COBL: variants seen among roughly 807,000 people sequenced by gnomAD.
COBL encodes the protein cordon-bleu WH2 repeat protein, also known as protein cordon-bleu.
COBL carries 51 observed loss-of-function variants against 98.8 expected under a neutral mutation model. That is an observed-to-expected ratio of 0.52 (90% CI 0.41 to 0.65). The LOEUF is 0.65. Among genes scored for constraint, COBL ranks in the 30% least tolerant of loss-of-function variants. The pLI, the probability that COBL is intolerant of heterozygous loss-of-function variation, is 0.00. For missense variants in COBL, 1,617 were observed against 1,617.5 expected (o/e 1.00, Z 0.01); for synonymous variants, 634 against 651.7 (o/e 0.97, Z 0.41).
intron 1 of COBL, among the ~76,000 whole-genome samples, chr7:51,232,228 G>A (rs779083823): frequency 2.0e-5 from 3 of 152,036 alleles, no homozygotes; most frequent in Non-Finnish European, 4.4e-5. Context: ...CACTTTCTTA[G>A]TCAAAAATGG....
chr7:51,285,824 A>G (rs1466029891), intron 1 of COBL, among the ~76,000 whole-genome samples: 1 of 152,260 alleles, frequency 6.6e-6, no homozygotes, highest in Non-Finnish European at 1.5e-5. Context: ...GAATCACATT[A>G]CATAGCCTTA....
chr7:51,083,068 C>T (rs560738741), intron 7 of COBL: 35 of 1,413,422 alleles, frequency 2.5e-5, no homozygotes, highest in South Asian at 1.5e-4. Flanking sequence ...GTTTGGGTAT[C>T]GGGTCTGAGG....
In COBL at chr7:51,233,655, G is replaced by A. The variant is rs761904376; in HGVS notation, c.42-13711C>T. ...CTGACTAGCCCGCTCTCCACACAGC[G>A]CATAACTGATTGGAACTCAACGGAC... On this transcript the variant is annotated intron_variant, in intron 1 of 12. Transcript: ENST00000265136. 5.9e-5 allele frequency among the ~76,000 whole-genome samples: 9 copies of A among 152,258 alleles called. No homozygotes were observed. The South Asian group carries it at 8.3e-4, about 14-fold the overall frequency.
chr7:51,310,842 G>C (rs1415666406), intron 1 of COBL, among the ~76,000 whole-genome samples: 1 of 152,120 alleles, frequency 6.6e-6, no homozygotes, highest in Non-Finnish European at 1.5e-5. Flanking sequence ...ATTTTTAGTA[G>C]AGATGGGGTT....
At chr7:51,033,586 T>C (rs1788356405) in intron 8 of COBL, 1 of 152,242 alleles carries the variant, frequency 6.6e-6, no homozygotes, top group Non-Finnish European at 1.5e-5. Flanking sequence ...GACAGAAATC[T>C]AACAAGAAAC....
intron 1 of COBL, among the ~76,000 whole-genome samples, chr7:51,298,063 G>A (rs1260811175): frequency 6.6e-6 from 1 of 152,164 alleles, no homozygotes; most frequent in African/African-American, 2.4e-5. Flanking sequence ...TCTAAGGCTA[G>A]GTCATAAAAG....
At chr7:51,177,390 AAATT>A (rs1474896355) in intron 5 of COBL, among the ~76,000 whole-genome samples, 1 of 152,228 alleles carries the variant, frequency 6.6e-6, no homozygotes, top group Non-Finnish European at 1.5e-5. Flanking sequence ...GTTAACATTG[AAATT>A]AATATATGTA....
chr7:51,144,275 G>A (rs1784822679), intron 5 of COBL, among the ~76,000 whole-genome samples: 1 of 152,168 alleles, frequency 6.6e-6, no homozygotes, highest in Non-Finnish European at 1.5e-5. Flanking sequence ...CAGCTCTATA[G>A]GAAGGTAATT....
At chr7:51,140,562 T>C (rs1470030247) in intron 5 of COBL, among the ~76,000 whole-genome samples, 1 of 152,214 alleles carries the variant, frequency 6.6e-6, no homozygotes, top group Non-Finnish European at 1.5e-5. Context: ...CGTATATATA[T>C]ATGTACATAT....
intron 7 of COBL, among the ~76,000 whole-genome samples, chr7:51,061,595 C>T (rs1791365702): frequency 6.6e-6 from 1 of 151,940 alleles, no homozygotes; most frequent in Non-Finnish European, 1.5e-5. Flanking sequence ...CGTGGTGAAA[C>T]GTTATTTCTG....
At chr7:51,085,405 C>T (rs1322856183) in intron 6 of COBL, 101 bp from the exon 7 acceptor site, 2 of 1,311,084 alleles carry the variant, frequency 1.5e-6, no homozygotes, top group African/African-American at 1.5e-5. Context: ...GGGACCTGCA[C>T]CGGAAGGTGG....
At chr7:51,059,609 G>A (rs1372415500) in intron 7 of COBL, among the ~76,000 whole-genome samples, 1 of 139,960 alleles carries the variant, frequency 7.1e-6, no homozygotes, top group African/African-American at 2.6e-5. Flanking sequence ...AGGAAGCCTT[G>A]GGATTGTTTG....
intron 1 of COBL, among the ~76,000 whole-genome samples, chr7:51,265,954 C>T (rs777710472): frequency 4.6e-5 from 7 of 152,042 alleles, no homozygotes; most frequent in Non-Finnish European, 8.8e-5. Context: ...AGTGAATTGG[C>T]GTTTCCCTAC....
At chr7:51,155,769 A>G (rs989064901) in intron 5 of COBL, among the ~76,000 whole-genome samples, 3 of 152,038 alleles carry the variant, frequency 2.0e-5, no homozygotes, top group Non-Finnish European at 1.5e-5. Flanking sequence ...CTAAACAGAA[A>G]AACGTTATCT....
intron 4 of COBL, among the ~76,000 whole-genome samples, chr7:51,188,597 G>A (rs1334308220): frequency 6.6e-6 from 1 of 152,172 alleles, no homozygotes; most frequent in Non-Finnish European, 1.5e-5. Flanking sequence ...TTGGGGGTGG[G>A]GTGGAAAGGG....
At chr7:51,198,955 T>A (rs1025308762) in intron 2 of COBL, among the ~76,000 whole-genome samples, 1 of 152,210 alleles carries the variant, frequency 6.6e-6, no homozygotes, top group Non-Finnish European at 1.5e-5. Flanking sequence ...GGCAGGCTCA[T>A]AGGCTTTGGT....
At chr7:51,233,476 A>T (rs1794953831) in intron 1 of COBL, among the ~76,000 whole-genome samples, 1 of 152,228 alleles carries the variant, frequency 6.6e-6, no homozygotes, top group African/African-American at 2.4e-5. Context: ...AAAGTGTGGA[A>T]AAGAGAACCA....
chr7:51,164,527 T>C (rs1429647430), intron 5 of COBL, among the ~76,000 whole-genome samples: 2 of 152,088 alleles, frequency 1.3e-5, no homozygotes, highest in Admixed American at 6.6e-5. Flanking sequence ...GGCGAAAATA[T>C]CCTTCGGACA....
chr7:51,290,370 G>A (rs755780797), intron 1 of COBL, among the ~76,000 whole-genome samples: 42 of 152,288 alleles, frequency 2.8e-4, no homozygotes, highest in Non-Finnish European at 4.9e-4. Context: ...ATGCCTGGCC[G>A]GGTGATCACC....
Sources: allele counts gnomAD v4.1 joint callset (sites outside exome capture counted in the v4.1 genomes callset), GRCh38; gene constraint gnomAD v4.1.1; transcripts MANE v1.5; gene names NCBI Gene and HGNC (gene_info 2026-07-23, HGNC 2026-07-21).